CSMD1: variants seen among roughly 807,000 people sequenced by gnomAD.
The protein encoded by CSMD1 is CUB and Sushi multiple domains 1, also known as CUB and sushi domain-containing protein 1.
CSMD1 carries 213 observed loss-of-function variants against 417.5 expected under a neutral mutation model. The ratio of observed to expected loss-of-function variants is 0.51; its 90% CI spans 0.46 to 0.57. CSMD1 has a LOEUF of 0.57. Among genes scored for constraint, CSMD1 ranks in the 20% least tolerant of loss-of-function variants. The pLI is 0.00. For missense variants in CSMD1, 6,923 were observed against 4,529.7 expected (o/e 1.53, Z -15.17); for synonymous variants, 2,862 against 1,736.8 (o/e 1.65, Z -16.11).
chr8:3,661,452 C>G (rs1179112334), intron 7 of CSMD1, among the ~76,000 whole-genome samples: 1 of 152,128 alleles, frequency 6.6e-6, no homozygotes, highest in African/African-American at 2.4e-5. Flanking sequence ...TGCTGTGATT[C>G]TAGGGGTTGC....
intron 1 of CSMD1, among the ~76,000 whole-genome samples, chr8:4,650,557 C>A (rs1803830101): frequency 6.6e-6 from 1 of 151,586 alleles, no homozygotes. Flanking sequence ...TCTGCAGAAA[C>A]AACGCATGAC....
In CSMD1 at chr8:3,343,371, C is replaced by T. The variant is rs1399356806; in HGVS notation, c.3554G>A (p.Ser1185Asn). 1.2e-6 allele frequency: 2 copies of T among 1,613,740 alleles called. No homozygotes were observed. Among genetic ancestry groups the T allele is most frequent in the Non-Finnish European group, 8.5e-7 (1 of 1,179,718 alleles). The stretch of plus-strand genomic sequence containing the variant: ...CTCTAGCCACAGGTGATTGGATGTG[C>T]TGTTTAGGATCAGCCCCAGAAGTTC... ...KNELLGLILN[S>N]TSNHLWLEFN... Residue 1185 changes from serine (S) to asparagine (N), a missense_variant, in exon 23 of 70, where the codon AGC (serine) becomes AAC (asparagine). Transcript: ENST00000635120.
intron 25 of CSMD1, among the ~76,000 whole-genome samples, chr8:3,304,824 G>C (rs1804698803): frequency 6.6e-6 from 1 of 151,828 alleles, no homozygotes; most frequent in South Asian, 2.1e-4. Flanking sequence ...GAAAGACAAT[G>C]CTCACTCTAA....
chr8:3,372,199 A>G (rs1809999985), intron 18 of CSMD1, among the ~76,000 whole-genome samples: 1 of 152,170 alleles, frequency 6.6e-6, no homozygotes, highest in Admixed American at 6.5e-5. Context: ...GACTTGAGAG[A>G]GACAAAGGAA....
rs116123756 is a variant in CSMD1, at chr8:3,150,279, C to T, written c.6031+1118G>A. On this transcript the variant is annotated intron_variant, in intron 40 of 69. Transcript: ENST00000635120. Reference sequence around the variant, plus strand: ...CCTTGACCACCACCGTGGCCTCCTACAGATCACTGGGAGGTGACGGACTCC... The same window carrying T: ...CCTTGACCACCACCGTGGCCTCCTATAGATCACTGGGAGGTGACGGACTCC... 6.9e-3 allele frequency among the ~76,000 whole-genome samples: 1,057 copies of T among 152,330 alleles called. 12 individuals are homozygous for T. The highest frequency in any genetic ancestry group is 0.024 in the African/African-American group (1,006 of 41,574).
intron 1 of CSMD1, among the ~76,000 whole-genome samples, chr8:4,896,513 C>G (rs1185851433): frequency 6.6e-6 from 1 of 152,118 alleles, no homozygotes; most frequent in Non-Finnish European, 1.5e-5. Context: ...TATGTTGTCA[C>G]TCTCTCTGCT....
chr8:4,049,074 G>T (rs1348461818), intron 3 of CSMD1, among the ~76,000 whole-genome samples: 1 of 152,020 alleles, frequency 6.6e-6, no homozygotes, highest in Non-Finnish European at 1.5e-5. Flanking sequence ...TCATGGTTAG[G>T]AATTGCCTCC....
chr8:3,352,091 T>G (rs1267317930), intron 21 of CSMD1, among the ~76,000 whole-genome samples: 1 of 152,168 alleles, frequency 6.6e-6, no homozygotes, highest in African/African-American at 2.4e-5. Flanking sequence ...GCCTAGTGCT[T>G]CATGAGTCCA....
At chr8:3,070,344 ATT>A (rs959357250) in intron 49 of CSMD1, among the ~76,000 whole-genome samples, 16 of 152,152 alleles carry the variant, frequency 1.1e-4, no homozygotes, top group African/African-American at 3.6e-4. Context: ...CAGCCTGCAA[ATT>A]TTTTAAACTT....
intron 1 of CSMD1, among the ~76,000 whole-genome samples, chr8:4,937,075 T>C (rs1035850083): frequency 6.6e-6 from 1 of 152,088 alleles, no homozygotes; most frequent in Non-Finnish European, 1.5e-5. Context: ...TAGCCAGGCA[T>C]TGTGGCACAC....
chr8:3,430,718 G>C (rs1056156567), intron 12 of CSMD1, among the ~76,000 whole-genome samples: 2 of 152,066 alleles, frequency 1.3e-5, no homozygotes, highest in African/African-American at 4.8e-5. Flanking sequence ...GAGGCAAGAG[G>C]ATCACCTGAA....
chr8:4,939,665 T>C (rs1256009696), intron 1 of CSMD1, among the ~76,000 whole-genome samples: 1 of 152,142 alleles, frequency 6.6e-6, no homozygotes, highest in Non-Finnish European at 1.5e-5. Context: ...AATTGGGAGA[T>C]ACTGGCCAAA....
chr8:4,833,779 G>A (rs1394503143), intron 1 of CSMD1, among the ~76,000 whole-genome samples: 1 of 152,194 alleles, frequency 6.6e-6, no homozygotes, highest in African/African-American at 2.4e-5. Flanking sequence ...CTTAGGATAT[G>A]ATCCCATGGA....
At chr8:4,892,857 A>G (rs150618022) in intron 1 of CSMD1, among the ~76,000 whole-genome samples, 1 of 152,122 alleles carries the variant, frequency 6.6e-6, no homozygotes, top group Non-Finnish European at 1.5e-5. Flanking sequence ...TTATTTAACA[A>G]TATTCTTACT....
rs184467571 is a variant in CSMD1 at position 4,774,794 on chromosome 8, C to T, written c.86-137236G>A. Among the ~76,000 whole-genome samples the T allele has an allele frequency of 2.0e-3, 307 of 152,206 alleles. 3 individuals are homozygous for T. Among genetic ancestry groups the T allele is most frequent in the African/African-American group, 6.7e-3 (280 of 41,534 alleles). On this transcript the variant is annotated intron_variant, in intron 1 of 69. Coordinates refer to ENST00000635120, the MANE Select transcript of CSMD1 (RefSeq NM_033225.6). ...TGTTTAAAAGCCTGTAGCACCTCCC[C>T]GCCAACCCCCACTCGCTCTTTCTCT...
At chr8:3,192,233 C>G (rs1796465327) in intron 33 of CSMD1, among the ~76,000 whole-genome samples, 1 of 152,090 alleles carries the variant, frequency 6.6e-6, no homozygotes, top group African/African-American at 2.4e-5. Context: ...CTTCTCCAAG[C>G]TAAAAATGAA....
chr8:4,676,425 G>A (rs887630050), intron 1 of CSMD1, among the ~76,000 whole-genome samples: 1 of 152,070 alleles, frequency 6.6e-6, no homozygotes, highest in South Asian at 2.1e-4. Flanking sequence ...ACTTCTGGGA[G>A]CCTCTGCAGC....
Position 3,444,752 on chromosome 8 carries a change from G to C in CSMD1, c.1561+23960C>G, listed in dbSNP as rs1028484631. 5.3e-5 allele frequency among the ~76,000 whole-genome samples: 8 copies of C among 152,226 alleles called. No individual in the cohort carries two copies. In the East Asian group the frequency reaches 7.7e-4, roughly 15 times the overall value. On this transcript the variant is annotated intron_variant, in intron 12 of 69. Coordinates refer to ENST00000635120, the MANE Select transcript of CSMD1 (RefSeq NM_033225.6). ...AAATGTAATGTAATAAACTGAAAAGGCCACATTTATCCTGTCTTGCCTATC... is the reference window on the plus strand; with the variant it reads ...AAATGTAATGTAATAAACTGAAAAGCCCACATTTATCCTGTCTTGCCTATC...
intron 5 of CSMD1, among the ~76,000 whole-genome samples, chr8:3,837,951 T>C (rs1173696327): frequency 1.3e-5 from 2 of 152,144 alleles, no homozygotes; most frequent in South Asian, 2.1e-4. Context: ...CTTTAATTTA[T>C]TTCTTATTTT....
Sources: allele counts gnomAD v4.1 joint callset (sites outside exome capture counted in the v4.1 genomes callset), GRCh38; gene constraint gnomAD v4.1.1; transcripts MANE v1.5; gene names NCBI Gene and HGNC (gene_info 2026-07-23, HGNC 2026-07-21).